Variants in RDX observed in about 807,000 individuals in gnomAD.
RDX encodes the protein radixin.
In RDX, 32 loss-of-function variants were observed where a neutral mutation model predicts 83.7. That is an observed-to-expected ratio of 0.38 (90% CI 0.29 to 0.51). The LOEUF (loss-of-function observed/expected upper bound fraction) is 0.51, where lower values mean the gene tolerates loss of function less well. Among genes scored for constraint, RDX ranks in the 20% least tolerant of loss-of-function variants. RDX has a pLI of 0.87. For synonymous variants in RDX, 229 were observed against 222.7 expected, an observed-to-expected ratio of 1.03 and a Z score of -0.25; for missense variants, 600 against 689.9, an observed-to-expected ratio of 0.87 and a Z score of 1.46.
In RDX at chr11:110,263,976, T is replaced by A; in HGVS notation, c.451A>T (p.Arg151Ter). The change falls in exon 5 of 14, where the codon AGA becomes TGA. Residue 151 changes from arginine to a stop codon, truncating the protein, a stop_gained. Transcript: ENST00000645495. LOFTEE classifies it high-confidence loss of function. ...TTCACTTACCGCTGGGGTAGGAGTCTATCATTAGCCAGGTAGCCTGGCTTA... is the reference window on the plus strand; with the variant it reads ...TTCACTTACCGCTGGGGTAGGAGTCAATCATTAGCCAGGTAGCCTGGCTTA... ...IHKPGYLAND[R>*]LLPQRVLEQH... 6.2e-7 allele frequency: 1 copy of A among 1,613,656 alleles called. No homozygotes were observed. Among genetic ancestry groups the A allele is most frequent in the Non-Finnish European group, 8.5e-7 (1 of 1,179,636 alleles).
chr11:110,210,284 G>T (rs1183538443), intron 14 of RDX, among the ~76,000 whole-genome samples: 1 of 135,432 alleles, frequency 7.4e-6, no homozygotes, highest in Non-Finnish European at 1.6e-5. Flanking sequence ...GGGAAGTTTA[G>T]AGAAAAAAAG....
chr11:110,218,663 A>T (rs1458973377), intron 14 of RDX, among the ~76,000 whole-genome samples: 1 of 152,210 alleles, frequency 6.6e-6, no homozygotes. Context: ...TTTTCAATAC[A>T]AATGGGCAGT....
intron 5 of RDX, among the ~76,000 whole-genome samples, chr11:110,262,587 C>T (rs529852590): frequency 3.2e-4 from 23 of 72,014 alleles, no homozygotes; most frequent in East Asian, 1.9e-3. Flanking sequence ...GACTCCATCT[C>T]AAAGAAAAAA....
At chr11:110,290,137 CAGAG>C (rs907178276) in intron 1 of RDX, among the ~76,000 whole-genome samples, 5 of 151,272 alleles carry the variant, frequency 3.3e-5, no homozygotes, top group African/African-American at 1.2e-4. Context: ...GAAAAAAAAA[CAGAG>C]GAAGCAAGAA....
At chr11:110,259,770 C>T (rs1859726812) in intron 5 of RDX, among the ~76,000 whole-genome samples, 1 of 152,128 alleles carries the variant, frequency 6.6e-6, no homozygotes, top group Admixed American at 6.6e-5. Context: ...TAATTATATG[C>T]CCAATGCCAG....
chr11:110,217,783 G>A (rs1008287161), intron 14 of RDX, among the ~76,000 whole-genome samples: 1 of 152,158 alleles, frequency 6.6e-6, no homozygotes, highest in Non-Finnish European at 1.5e-5. Context: ...GGCGACTGCT[G>A]ACAATTACAA....
At chr11:110,228,588 G>GT (rs1864507734), downstream of RDX, among the ~76,000 whole-genome samples, 1 of 151,786 alleles carries the variant, frequency 6.6e-6, no homozygotes, top group South Asian at 2.1e-4. Flanking sequence ...AAGACTAATT[G>GT]TTTTTATTGT....
rs1463925107 is a variant in RDX, at chr11:110,237,635, G to A, written c.1108C>T (p.Arg370Ter). 5 of 1,613,994 alleles carry A rather than the reference G, an allele frequency of 3.1e-6. No individual in the cohort carries two copies. The highest frequency in any genetic ancestry group is 1.3e-5 in the African/African-American group (1 of 74,976). ...TCTTGATCCAGTTCTAGAGCTTTTC[G>A]AGTCTGTTCTTCTAGTTCTATGAAA... ...KAQKELEEQT[R>*]KALELDQERK... is the part of the protein sequence containing the mutation. Residue 370 changes from arginine (R) to a stop codon, truncating the protein, a stop_gained, in exon 11 of 14, where the codon CGA becomes TGA. Transcript: ENST00000645495. LOFTEE classifies it high-confidence loss of function.
intron 15 of RDX, among the ~76,000 whole-genome samples, chr11:110,187,461 T>C (rs1863009802): frequency 6.6e-6 from 1 of 152,156 alleles, no homozygotes; most frequent in South Asian, 2.1e-4. Flanking sequence ...ACTCCACCCT[T>C]CCTGAGCAGA....
intron 2 of RDX, among the ~76,000 whole-genome samples, chr11:110,276,813 G>A (rs761847982): frequency 4.2e-4 from 64 of 152,124 alleles, no homozygotes; most frequent in Non-Finnish European, 5.9e-4. Context: ...CTAAAAGCAC[G>A]GAAACCTGAA....
chr11:110,192,768 C>T (rs964083557), intron 15 of RDX, among the ~76,000 whole-genome samples: 3 of 151,898 alleles, frequency 2.0e-5, no homozygotes, highest in South Asian at 2.1e-4. Flanking sequence ...AAAAATGTTC[C>T]GCATCACTAA....
rs141731309 is a variant in RDX, at chr11:110,201,903, T to TTGTGTGTGTGTG, written c.1749-2237_1749-2226dup. Among the ~76,000 whole-genome samples the TTGTGTGTGTGTG allele has an allele frequency of 4.4e-3, 603 of 137,274 alleles. 1 individual carries two copies. Among genetic ancestry groups the TTGTGTGTGTGTG allele is most frequent in the South Asian group, 6.2e-3 (24 of 3,868 alleles). 90.1% of individuals were successfully genotyped at this position (137,274 alleles called of 152,430 possible). On this transcript the variant is annotated intron_variant, in intron 14 of 15. Transcript: ENST00000528498. ...CACATGCCACCACATCCGGCTAATT[T>TTGTGTGTGTGTG]TGTGTGTGTGTGTGTGTGTGTGTGT...
At chr11:110,223,020 C>T (rs189168749) in intron 14 of RDX, among the ~76,000 whole-genome samples, 3 of 151,928 alleles carry the variant, frequency 2.0e-5, no homozygotes, top group Non-Finnish European at 2.9e-5. Flanking sequence ...ATACAATGAA[C>T]GATTATATGT....
At position 110,216,541 on chromosome 11, in the gene RDX, C is replaced by CTT. The variant is rs11432416; in HGVS notation, c.1748+15330_1748+15331dup. On this transcript the variant is annotated intron_variant, in intron 14 of 15. Transcript: ENST00000528498. Reference sequence around the variant, plus strand: ...GTGCGCTACCACACCAATTTTTTTTCTTTTTTTTTTTTTTTAAATAGAGAG... The same window carrying CTT: ...GTGCGCTACCACACCAATTTTTTTTCTTTTTTTTTTTTTTTTTAAATAGAGAG... 4.2e-4 allele frequency among the ~76,000 whole-genome samples: 57 copies of CTT among 136,698 alleles called. No homozygotes were observed. In the South Asian group the frequency reaches 4.5e-3, roughly 11 times the overall value. The allele number at this position is 136,698 out of a possible 152,430, so 89.7% of individuals were successfully genotyped here.
At chr11:110,217,008 A>G (rs562093163) in intron 14 of RDX, among the ~76,000 whole-genome samples, 1 of 152,322 alleles carries the variant, frequency 6.6e-6, no homozygotes, top group African/African-American at 2.4e-5. Flanking sequence ...CTCTTTGGAC[A>G]GAGCAGGAGA....
chr11:110,290,551 A>G (rs900824340), intron 1 of RDX, among the ~76,000 whole-genome samples: 3 of 152,100 alleles, frequency 2.0e-5, no homozygotes, highest in African/African-American at 7.2e-5. Flanking sequence ...TGAATACAAT[A>G]TGGCACATCT....
chr11:110,246,702 A>C (rs936616400), intron 10 of RDX, among the ~76,000 whole-genome samples: 8 of 150,390 alleles, frequency 5.3e-5, no homozygotes, highest in Admixed American at 3.3e-4. Flanking sequence ...TTGAGCTGAG[A>C]TCATGCCACT....
At chr11:110,181,491 C>T (rs1465689436) in intron 15 of RDX, among the ~76,000 whole-genome samples, 2 of 152,166 alleles carry the variant, frequency 1.3e-5, no homozygotes, top group Admixed American at 6.5e-5. Flanking sequence ...CCTCTAAGGT[C>T]GTGAGCTATG....
intron 8 of RDX, among the ~76,000 whole-genome samples, chr11:110,254,559 T>C (rs1261259198): frequency 6.6e-6 from 1 of 151,818 alleles, no homozygotes; most frequent in Non-Finnish European, 1.5e-5. Context: ...CACTCCAACC[T>C]CTGCCTCCCG....
Sources: gnomAD v4.1 joint callset for allele counts (sites outside exome capture counted in the v4.1 genomes callset) on GRCh38, gnomAD v4.1.1 for gene constraint, MANE v1.5 for transcripts, NCBI Gene and HGNC (gene_info 2026-07-23, HGNC 2026-07-21) for gene names.